The following MAPK4 variants were observed in gnomAD, a reference collection of about 807,000 sequenced individuals.
MAPK4 encodes Erk3-related.
In MAPK4, 22 loss-of-function variants were observed where a neutral mutation model predicts 47.7. The ratio of observed to expected loss-of-function variants is 0.46; its 90% CI spans 0.33 to 0.66. The LOEUF (loss-of-function observed/expected upper bound fraction) is 0.66, where lower values mean the gene tolerates loss of function less well. Among genes scored for constraint, MAPK4 ranks in the 30% least tolerant of loss-of-function variants. MAPK4 has a pLI of 0.02. For synonymous variants in MAPK4, 390 were observed against 365.7 expected, an observed-to-expected ratio of 1.07 and a Z score of -0.76; for missense variants, 736 against 831.7, an observed-to-expected ratio of 0.88 and a Z score of 1.42.
At chr18:50,604,473 G>T (rs1224615785) in intron 1 of MAPK4, among the ~76,000 whole-genome samples, 1 of 152,168 alleles carries the variant, frequency 6.6e-6, no homozygotes, top group Non-Finnish European at 1.5e-5. Context: ...CCTAATCCAT[G>T]AGGTATAAGC....
chr18:50,645,550 AT>A (rs1020277349), intron 1 of MAPK4, among the ~76,000 whole-genome samples: 5 of 151,820 alleles, frequency 3.3e-5, no homozygotes, highest in Non-Finnish European at 7.4e-5. Flanking sequence ...TCTTATTTTA[AT>A]TTTTTTTTCT....
intron 1 of MAPK4, among the ~76,000 whole-genome samples, chr18:50,639,135 G>A (rs1021781680): frequency 6.6e-6 from 1 of 152,176 alleles, no homozygotes; most frequent in Non-Finnish European, 1.5e-5. Context: ...CAGAAACCTG[G>A]GGAATGGAGA....
intron 3 of MAPK4, 62 bp downstream of exon 3, chr18:50,715,285 G>C (rs1005000799): frequency 9.1e-6 from 14 of 1,542,414 alleles, no homozygotes; most frequent in Middle Eastern, 1.7e-4. Flanking sequence ...AAGGGGAACT[G>C]AGTGCAAAAC....
chr18:50,640,897 G>A (rs3867259), intron 1 of MAPK4, among the ~76,000 whole-genome samples: 148,862 of 152,328 alleles, frequency 0.98, 72,747 homozygotes, highest in East Asian at 1. Flanking sequence ...AGACTGGAGC[G>A]GGCTTCCATG....
At chr18:50,570,116 C>T (rs886380714) in intron 1 of MAPK4, among the ~76,000 whole-genome samples, 2 of 152,208 alleles carry the variant, frequency 1.3e-5, no homozygotes, top group Non-Finnish European at 2.9e-5. Context: ...CCAGTCAGAT[C>T]ATCTTAGAGA....
chr18:50,707,614 G>A (rs948768289), intron 2 of MAPK4, among the ~76,000 whole-genome samples: 3 of 151,300 alleles, frequency 2.0e-5, no homozygotes, highest in Admixed American at 6.6e-5. Flanking sequence ...GGATGGTGGC[G>A]ATGGTTGTAC....
chr18:50,615,778 CT>C (rs2042679662), intron 1 of MAPK4, among the ~76,000 whole-genome samples: 1 of 152,186 alleles, frequency 6.6e-6, no homozygotes, highest in South Asian at 2.1e-4. Flanking sequence ...TTCAGTTCTG[CT>C]TTTTCAGAAC....
chr18:50,633,155 C>T (rs367779554), intron 1 of MAPK4, among the ~76,000 whole-genome samples: 2 of 152,332 alleles, frequency 1.3e-5, no homozygotes, highest in African/African-American at 4.8e-5. Context: ...CTTGTCTCCT[C>T]TGCTGAGGGG....
At chr18:50,569,240 T>C (rs990958378) in intron 1 of MAPK4, among the ~76,000 whole-genome samples, 2 of 152,238 alleles carry the variant, frequency 1.3e-5, no homozygotes, top group African/African-American at 4.8e-5. Flanking sequence ...GAAATCAGTA[T>C]GTGTTTTATG....
chr18:50,656,996 C>T (rs1238853754), intron 1 of MAPK4, among the ~76,000 whole-genome samples: 1 of 152,188 alleles, frequency 6.6e-6, no homozygotes. Flanking sequence ...TAGTTGCAGG[C>T]GTGGCTCAGC....
intron 1 of MAPK4, among the ~76,000 whole-genome samples, chr18:50,601,110 AAAAAG>A (rs1301940729): frequency 2.2e-4 from 33 of 151,476 alleles, no homozygotes; most frequent in South Asian, 8.3e-4. Flanking sequence ...AAAAAAAAAA[AAAAAG>A]AAGAAGAAGA....
rs762228429 is a variant in MAPK4, at chr18:50,725,997, C to T, written c.889C>T (p.Pro297Ser). 1.9e-6 allele frequency: 3 copies of T among 1,614,162 alleles called. No individual in the cohort carries two copies. The Admixed American group carries it at 5.0e-5, about 27-fold the overall frequency. ...DFLEKILTFN[P>S]MDRLTAEMGL... The stretch of plus-strand genomic sequence containing the variant: ...TCTGGAGAAGATCCTGACCTTTAAC[C>T]CCATGGATCGCCTAACAGCTGAGAT... The change falls in exon 5 of 6, where the codon CCC becomes TCC. Residue 297 changes from proline to serine, a missense_variant. By Grantham distance (74) the Pro-to-Ser change is moderately conservative (BLOSUM62 -1). This residue lies in a region of MAPK4 where 32 missense variants were observed against 57.7 expected (regional missense o/e 0.55). Coordinates refer to ENST00000400384, the MANE Select transcript of MAPK4 (RefSeq NM_002747.4).
At chr18:50,718,945 G>A (rs995402580) in intron 3 of MAPK4, among the ~76,000 whole-genome samples, 8 of 151,790 alleles carry the variant, frequency 5.3e-5, no homozygotes, top group African/African-American at 1.2e-4. Flanking sequence ...TTAGCTGGGC[G>A]TGGTGGCATG....
chr18:50,587,580 A>G (rs574268653), intron 1 of MAPK4, among the ~76,000 whole-genome samples: 14 of 152,286 alleles, frequency 9.2e-5, no homozygotes, highest in African/African-American at 3.4e-4. Context: ...ACATCCCAGT[A>G]GGGGCAGCCC....
intron 1 of MAPK4, among the ~76,000 whole-genome samples, chr18:50,600,580 A>T (rs1156435744): frequency 6.6e-6 from 1 of 152,206 alleles, no homozygotes; most frequent in African/African-American, 2.4e-5. Context: ...GCCCACCTCC[A>T]GTCAGGGCAC....
chr18:50,706,127 G>A (rs1228627310), intron 2 of MAPK4: 1 of 152,268 alleles, frequency 6.6e-6, no homozygotes, highest in South Asian at 2.1e-4. Flanking sequence ...ATAAACGATA[G>A]CTATTATTAT....
chr18:50,596,960 C>A (rs1461162700), intron 1 of MAPK4, among the ~76,000 whole-genome samples: 2 of 152,120 alleles, frequency 1.3e-5, no homozygotes, highest in East Asian at 3.9e-4. Flanking sequence ...ATTTTTTAAC[C>A]TGTAGGTAGA....
At chr18:50,682,154 T>C (rs1340618312) in intron 2 of MAPK4, among the ~76,000 whole-genome samples, 1 of 152,194 alleles carries the variant, frequency 6.6e-6, no homozygotes. Flanking sequence ...ATAGTAGTGA[T>C]GATTGTATTA....
At chr18:50,585,036 A>G (rs540128889) in intron 1 of MAPK4, among the ~76,000 whole-genome samples, 1 of 152,344 alleles carries the variant, frequency 6.6e-6, no homozygotes, top group South Asian at 2.1e-4. Context: ...TCATTTTCCT[A>G]TGTAAAAAAG....
Sources: allele counts gnomAD v4.1 joint callset (sites outside exome capture counted in the v4.1 genomes callset), GRCh38; gene constraint gnomAD v4.1.1; regional missense constraint gnomAD v4.1.1; transcripts MANE v1.5; gene names NCBI Gene and HGNC (gene_info 2026-07-23, HGNC 2026-07-21).